THSD7B: variants seen among roughly 807,000 people sequenced by gnomAD.
THSD7B encodes thrombospondin type-1 domain-containing protein 7B.
THSD7B carries 138 observed loss-of-function variants against 213.6 expected under a neutral mutation model. The observed-to-expected ratio is 0.65, with a 90% CI of 0.56 to 0.74. The LOEUF is 0.74. Among genes scored for constraint, THSD7B ranks in the 30% least tolerant of loss-of-function variants. The pLI is 0.00. For synonymous variants in THSD7B, 742 were observed against 687.0 expected, an observed-to-expected ratio of 1.08 and a Z score of -1.25; for missense variants, 1,931 against 1,991.5, an observed-to-expected ratio of 0.97 and a Z score of 0.58.
chr2:137,654,336 T>G (rs1183110172), intron 21 of THSD7B, among the ~76,000 whole-genome samples: 2 of 152,186 alleles, frequency 1.3e-5, no homozygotes, highest in Non-Finnish European at 2.9e-5. Flanking sequence ...TTTGACTTGG[T>G]ATCTCCTTTG....
rs778644833 is a variant in THSD7B, at chr2:137,094,234, C to A, written c.951-639C>A. Reference sequence around the variant, plus strand: ...GCAGCACAGTTGTGACACCTGAAAACCAGTCAATCCATGGTAATAGTAGGC... The same window carrying A: ...GCAGCACAGTTGTGACACCTGAAAAACAGTCAATCCATGGTAATAGTAGGC... On this transcript the variant is annotated intron_variant, in intron 3 of 27. Transcript: ENST00000409968. Among the ~76,000 whole-genome samples the A allele has an allele frequency of 3.9e-4, 59 of 152,228 alleles. No homozygotes were observed. The Middle Eastern group carries it at 0.014, about 35-fold the overall frequency.
At chr2:137,013,687 C>T (rs1686281265) in intron 2 of THSD7B, among the ~76,000 whole-genome samples, 1 of 152,106 alleles carries the variant, frequency 6.6e-6, no homozygotes, top group Non-Finnish European at 1.5e-5. Flanking sequence ...TGCCTACCAA[C>T]CCCCTGATCC....
At chr2:137,303,713 TA>T (rs1369173074) in intron 12 of THSD7B, among the ~76,000 whole-genome samples, 13 of 140,426 alleles carry the variant, frequency 9.3e-5, no homozygotes, top group East Asian at 2.0e-4. Context: ...TTTATATATA[TA>T]TTTATATATA....
chr2:137,133,936 A>G (rs1688785737), intron 5 of THSD7B, among the ~76,000 whole-genome samples: 1 of 152,198 alleles, frequency 6.6e-6, no homozygotes, highest in Admixed American at 6.5e-5. Context: ...CTCTGTGGCT[A>G]CTGGCTACCA....
chr2:137,173,257 T>C (rs576372614), intron 7 of THSD7B, among the ~76,000 whole-genome samples: 1 of 152,320 alleles, frequency 6.6e-6, no homozygotes, highest in African/African-American at 2.4e-5. Context: ...TTTTAAAACA[T>C]GAAAATAATA....
chr2:137,655,722 G>T, intron 22 of THSD7B, 62 bp downstream of exon 22: 1 of 1,520,744 alleles, frequency 6.6e-7, no homozygotes, highest in Non-Finnish European at 8.9e-7. Flanking sequence ...TTTTACTACT[G>T]TTTTCCTAGA....
At chr2:137,339,805 C>T (rs943671397) in intron 12 of THSD7B, among the ~76,000 whole-genome samples, 2 of 151,312 alleles carry the variant, frequency 1.3e-5, no homozygotes, top group African/African-American at 4.8e-5. Context: ...CTTTCCTCAG[C>T]TTTTTCTTGC....
chr2:137,175,178 G>A (rs1184316641), intron 7 of THSD7B, among the ~76,000 whole-genome samples: 1 of 152,040 alleles, frequency 6.6e-6, no homozygotes, highest in Non-Finnish European at 1.5e-5. Context: ...GACTCCATGG[G>A]GTCATTGGAT....
intron 2 of THSD7B, among the ~76,000 whole-genome samples, chr2:137,054,329 A>G (rs1687121004): frequency 6.6e-6 from 1 of 152,196 alleles, no homozygotes; most frequent in African/African-American, 2.4e-5. Flanking sequence ...TATGTTTTCT[A>G]TGTTAATCTC....
At position 137,620,711 on chromosome 2, in the gene THSD7B, A is replaced by G. The variant is rs757424980; in HGVS notation, c.3784A>G (p.Thr1262Ala). ...GACGGCTTGGACAGAGTGTTCACAG[A>G]CCTGTGGCCATGGAGGTATTGGTTT... is the stretch of plus-strand genomic sequence containing the variant. The part of the protein sequence containing the change: ...GWTAWTECSQ[T>A]CGHGGRMSRT... Residue 1262 changes from threonine (T) to alanine (A), a missense_variant, in exon 20 of 28, where the codon ACC (threonine) becomes GCC (alanine). Transcript: ENST00000409968. The G allele has an allele frequency of 1.9e-6, 3 of 1,613,542 alleles. No individual in the cohort carries two copies. Among genetic ancestry groups the G allele is most frequent in the Non-Finnish European group, 2.5e-6 (3 of 1,179,552 alleles).
intron 2 of THSD7B, among the ~76,000 whole-genome samples, chr2:136,994,289 G>A (rs13423666): frequency 0.021 from 3,157 of 152,310 alleles, 48 homozygotes; most frequent in Middle Eastern, 0.071. Context: ...CTATAGGGCC[G>A]GGCGCGGTGG....
At chr2:137,516,881 A>G (rs1237729326) in intron 15 of THSD7B, among the ~76,000 whole-genome samples, 2 of 152,232 alleles carry the variant, frequency 1.3e-5, no homozygotes, top group Non-Finnish European at 1.5e-5. Flanking sequence ...TAGTGCCACC[A>G]TCAAGGACTT....
chr2:137,224,728 G>A (rs918882097), intron 7 of THSD7B, among the ~76,000 whole-genome samples: 13 of 152,106 alleles, frequency 8.5e-5, no homozygotes, highest in African/African-American at 2.7e-4. Flanking sequence ...CTGGAGTGCA[G>A]TGGCGCGATC....
intron 15 of THSD7B, among the ~76,000 whole-genome samples, chr2:137,554,270 C>T (rs79603542): frequency 6.6e-6 from 1 of 152,040 alleles, no homozygotes; most frequent in East Asian, 1.9e-4. Context: ...TTCAATTCAA[C>T]CAATATTTAT....
chr2:136,825,823 A>G (rs778802343), intron 1 of THSD7B, among the ~76,000 whole-genome samples: 1 of 150,714 alleles, frequency 6.6e-6, no homozygotes, highest in Non-Finnish European at 1.5e-5. Flanking sequence ...AAGTGCTGGG[A>G]TTACAGGTGT....
At chr2:137,415,933 G>T (rs554964330) in intron 14 of THSD7B, among the ~76,000 whole-genome samples, 1 of 152,066 alleles carries the variant, frequency 6.6e-6, no homozygotes, top group African/African-American at 2.4e-5. Context: ...AGAAATGAGT[G>T]CTTATTGTCT....
chr2:137,169,699 A>G (rs2104993941), intron 6 of THSD7B, among the ~76,000 whole-genome samples: 1 of 152,320 alleles, frequency 6.6e-6, no homozygotes, highest in Non-Finnish European at 1.5e-5. Flanking sequence ...AATAGAAACG[A>G]TGGAAGGTAT....
At chr2:137,519,405 C>A (rs1053848109) in intron 15 of THSD7B, among the ~76,000 whole-genome samples, 10 of 152,168 alleles carry the variant, frequency 6.6e-5, no homozygotes, top group African/African-American at 2.4e-4. Context: ...GAAACCATGG[C>A]AGGTGGTATG....
intron 15 of THSD7B, among the ~76,000 whole-genome samples, chr2:137,496,915 A>G (rs1318914385): frequency 1.3e-5 from 2 of 152,138 alleles, no homozygotes. Flanking sequence ...AGGAGTTCCA[A>G]TCATCTAGTT....
Sources: allele counts gnomAD v4.1 joint callset (sites outside exome capture counted in the v4.1 genomes callset), GRCh38; gene constraint gnomAD v4.1.1; transcripts MANE v1.5; gene names NCBI Gene and HGNC (gene_info 2026-07-23, HGNC 2026-07-21).